TSHZ2: variants seen among roughly 807,000 people sequenced by gnomAD.
The protein encoded by TSHZ2 is teashirt homolog 2.
In TSHZ2, 21 loss-of-function variants were observed where a neutral mutation model predicts 74.4. That is an observed-to-expected ratio of 0.28 (90% CI 0.20 to 0.41). TSHZ2 has a LOEUF of 0.41. TSHZ2 is among the 10% of genes least tolerant of loss of function. The pLI is 1.00. For synonymous variants in TSHZ2, 540 were observed against 515.3 expected, an observed-to-expected ratio of 1.05 and a Z score of -0.65; for missense variants, 1,244 against 1,293.5, an observed-to-expected ratio of 0.96 and a Z score of 0.59.
At chr20:53,106,112 T>C (rs1211016208) in intron 1 of TSHZ2, among the ~76,000 whole-genome samples, 1 of 152,160 alleles carries the variant, frequency 6.6e-6, no homozygotes, top group Admixed American at 6.5e-5. Flanking sequence ...AAATCTTCTA[T>C]TGGCTATTCT....
At chr20:53,235,394 T>C (rs111566168) in intron 1 of TSHZ2, among the ~76,000 whole-genome samples, 26,924 of 151,928 alleles carry the variant, frequency 0.18, 2,813 homozygotes, top group Middle Eastern at 0.24. Context: ...GGTCTCAAAC[T>C]CCTGACCTCA....
At chr20:53,346,950 A>G (rs149891636) in intron 2 of TSHZ2, among the ~76,000 whole-genome samples, 1 of 152,308 alleles carries the variant, frequency 6.6e-6, no homozygotes, top group Admixed American at 6.5e-5. Context: ...GATACTGATG[A>G]CAGTCTTGGA....
chr20:53,388,875 AC>A (rs1436682097), intron 2 of TSHZ2, among the ~76,000 whole-genome samples: 3 of 151,838 alleles, frequency 2.0e-5, no homozygotes, highest in African/African-American at 7.2e-5. Context: ...GAGCCACCAC[AC>A]CCGGCTGCCT....
chr20:52,997,706 G>A (rs936331107), intron 1 of TSHZ2, among the ~76,000 whole-genome samples: 1 of 152,206 alleles, frequency 6.6e-6, no homozygotes, highest in Non-Finnish European at 1.5e-5. Context: ...GAACTGGGGT[G>A]ACATACTTGC....
At chr20:53,154,841 T>A (rs1987755555) in intron 1 of TSHZ2, among the ~76,000 whole-genome samples, 1 of 152,184 alleles carries the variant, frequency 6.6e-6, no homozygotes. Flanking sequence ...ATCTCCCGAA[T>A]AATCAGCAAC....
chr20:53,233,366 G>A (rs896780878), intron 1 of TSHZ2, among the ~76,000 whole-genome samples: 10 of 152,190 alleles, frequency 6.6e-5, no homozygotes, highest in African/African-American at 1.7e-4. Context: ...GGGAGCAATC[G>A]AGAAAAATCC....
At position 53,027,121 on chromosome 20, in the gene TSHZ2, A is replaced by T. The variant is rs908057294; in HGVS notation, c.40+53788A>T. On this transcript the variant is annotated intron_variant, in intron 1 of 2. Coordinates refer to ENST00000371497, the MANE Select transcript of TSHZ2 (RefSeq NM_173485.6). ...ACAGCCATATTCTAATACAAAAAAA[A>T]AATTGCAGCTGAATATTTGAATACA... Among the ~76,000 whole-genome samples the T allele has an allele frequency of 3.0e-4, 45 of 152,322 alleles. 1 individual carries two copies. In the East Asian group the frequency reaches 6.4e-3, roughly 22 times the overall value.
At chr20:53,326,017 G>A (rs1041281321) in intron 2 of TSHZ2, among the ~76,000 whole-genome samples, 23 of 152,156 alleles carry the variant, frequency 1.5e-4, no homozygotes, top group African/African-American at 4.3e-4. Flanking sequence ...TTCTGACCTC[G>A]TGATTCCCCC....
chr20:53,370,923 G>C (rs749233513), intron 2 of TSHZ2, among the ~76,000 whole-genome samples: 2 of 152,150 alleles, frequency 1.3e-5, no homozygotes, highest in Non-Finnish European at 2.9e-5. Flanking sequence ...GTGGACGCTG[G>C]AGGTTGGAAA....
At chr20:53,184,850 A>G (rs990765540) in intron 1 of TSHZ2, among the ~76,000 whole-genome samples, 2 of 152,086 alleles carry the variant, frequency 1.3e-5, no homozygotes, top group Non-Finnish European at 2.9e-5. Flanking sequence ...TGGGATTACA[A>G]CCGTGCACCA....
chr20:53,421,743 C>T (rs533370940), intron 2 of TSHZ2: 3 of 133,538 alleles, frequency 2.2e-5, no homozygotes, highest in East Asian at 2.4e-4. Flanking sequence ...AGTGCAGTGG[C>T]GCGATCTTGG....
chr20:52,988,741 C>T (rs1057394988), intron 1 of TSHZ2, among the ~76,000 whole-genome samples: 1 of 152,018 alleles, frequency 6.6e-6, no homozygotes, highest in African/African-American at 2.4e-5. Flanking sequence ...TTTCACTAAA[C>T]AAAAGTAGAA....
chr20:53,488,963 G>A lies in TSHZ2; in HGVS notation c.*1828G>A, dbSNP rs1478710836. 1 of 455,882 alleles carries A rather than the reference G, an allele frequency of 2.2e-6. No individual in the cohort carries two copies. The highest frequency in any genetic ancestry group is 7.0e-5 in the East Asian group (1 of 14,384). The allele number at this position is 455,882 out of a possible 1,614,324, so 28.2% of individuals were successfully genotyped here. ...GGAAAAAATATGGCGCTTCGGGGAA[G>A]GAGGGAAAAAGTAAATGAAGTTCCA... On this transcript the variant is annotated 3_prime_UTR_variant, in exon 3 of 3. Transcript: ENST00000371497.
chr20:52,998,800 C>T (rs989599431), intron 1 of TSHZ2, among the ~76,000 whole-genome samples: 3 of 152,178 alleles, frequency 2.0e-5, no homozygotes, highest in African/African-American at 7.2e-5. Flanking sequence ...GTTCAGTGAA[C>T]AGATGCGTGC....
chr20:53,037,932 G>T (rs2123085224), intron 1 of TSHZ2, among the ~76,000 whole-genome samples: 1 of 152,120 alleles, frequency 6.6e-6, no homozygotes, highest in African/African-American at 2.4e-5. Context: ...GCCTGGGTCT[G>T]CTTGGTTGGG....
intron 1 of TSHZ2, among the ~76,000 whole-genome samples, chr20:53,147,272 T>A (rs1157879945): frequency 6.6e-6 from 1 of 152,210 alleles, no homozygotes; most frequent in African/African-American, 2.4e-5. Context: ...TTAGATATTA[T>A]ACATGGTGCC....
At chr20:53,333,518 C>T (rs1399301135) in intron 2 of TSHZ2, among the ~76,000 whole-genome samples, 1 of 151,630 alleles carries the variant, frequency 6.6e-6, no homozygotes, top group Non-Finnish European at 1.5e-5. Flanking sequence ...TGCAGTGGCA[C>T]GATCTCAGCT....
intron 2 of TSHZ2, among the ~76,000 whole-genome samples, chr20:53,264,382 CT>C (rs1237903879): frequency 5.9e-5 from 9 of 152,202 alleles, no homozygotes; most frequent in African/African-American, 2.2e-4. Context: ...CACAGGGCTC[CT>C]TATGCAGCAC....
intron 1 of TSHZ2, among the ~76,000 whole-genome samples, chr20:53,078,432 GA>G (rs1456560419): frequency 6.6e-6 from 1 of 152,066 alleles, no homozygotes; most frequent in African/African-American, 2.4e-5. Context: ...AATATTTCTT[GA>G]AAAAAGACAT....
Sources: allele counts gnomAD v4.1 joint callset (sites outside exome capture counted in the v4.1 genomes callset), GRCh38; gene constraint gnomAD v4.1.1; transcripts MANE v1.5; gene names NCBI Gene and HGNC (gene_info 2026-07-23, HGNC 2026-07-21).